The following GRIK2 variants were observed in gnomAD, a reference collection of about 807,000 sequenced individuals.
GRIK2 encodes glutamate receptor ionotropic, kainate 2.
In GRIK2, 32 loss-of-function variants were observed where a neutral mutation model predicts 100.3. The ratio of observed to expected loss-of-function variants is 0.32; its 90% CI spans 0.24 to 0.43. The LOEUF (loss-of-function observed/expected upper bound fraction) is 0.43, where lower values mean the gene tolerates loss of function less well. Among genes scored for constraint, GRIK2 ranks in the 20% least tolerant of loss-of-function variants. The probability of loss-of-function intolerance (pLI) is 1.00; values close to 1 mark genes in which losing one functional copy is unlikely to be tolerated. For missense variants in GRIK2, 843 were observed against 1,114.9 expected, an observed-to-expected ratio of 0.76 and a Z score of 3.47; for synonymous variants, 417 against 389.4, an observed-to-expected ratio of 1.07 and a Z score of -0.83.
At chr6:102,056,404 TG>T in intron 16 of GRIK2, among the ~76,000 whole-genome samples, 1 of 152,082 alleles carries the variant, frequency 6.6e-6, no homozygotes, top group East Asian at 1.9e-4. Context: ...TGATACTTTT[TG>T]TATGCAAATT....
At chr6:101,401,694 T>C (rs1049388747) in intron 2 of GRIK2, among the ~76,000 whole-genome samples, 5 of 152,226 alleles carry the variant, frequency 3.3e-5, no homozygotes, top group African/African-American at 1.2e-4. Flanking sequence ...TATTTTCTTC[T>C]GGGATAAACA....
chr6:101,742,640 A>T (rs1776112115), intron 7 of GRIK2, among the ~76,000 whole-genome samples: 1 of 152,096 alleles, frequency 6.6e-6, no homozygotes. Flanking sequence ...CTATAGATAA[A>T]TTGAAACATT....
intron 10 of GRIK2, among the ~76,000 whole-genome samples, chr6:101,829,788 CCATGCTCATTTCATGCT>C (rs1460417490): frequency 5.3e-5 from 8 of 151,848 alleles, no homozygotes; most frequent in Admixed American, 3.9e-4. Context: ...GAAAAGCATT[CCATGCTCATTTCATGCT>C]CATGAGTTGG....
rs1351033575 is a variant in GRIK2 at position 101,760,591 on chromosome 6, T to A, written c.952-39057T>A. On this transcript the variant is annotated intron_variant, in intron 7 of 16. Coordinates refer to ENST00000369134, the MANE Select transcript of GRIK2 (RefSeq NM_021956.5). ...ATATTTAATTAATTATATATAATTATATATAATTATATATAATTATATTTA... is the reference window on the plus strand; with the variant it reads ...ATATTTAATTAATTATATATAATTAAATATAATTATATATAATTATATTTA... 5.4e-5 allele frequency among the ~76,000 whole-genome samples: 5 copies of A among 91,878 alleles called. 1 individual carries two copies. Among genetic ancestry groups the A allele is most frequent in the African/African-American group, 2.6e-4 (5 of 19,522 alleles). 60.3% of individuals were successfully genotyped at this position (91,878 alleles called of 152,430 possible). A position where few individuals can be genotyped will look rare whatever the true frequency, so the allele number is the denominator to read the frequency against.
chr6:101,464,497 C>CTTTTTTTTTTT lies in GRIK2; in HGVS notation c.115+65133_115+65143dup, dbSNP rs71028069. Among the ~76,000 whole-genome samples, 9 of 62,038 alleles carry CTTTTTTTTTTT rather than the reference C, an allele frequency of 1.5e-4. 1 individual carries two copies. The highest frequency in any genetic ancestry group is 2.4e-4 in the Non-Finnish European group (8 of 33,790). 40.7% of individuals were successfully genotyped at this position (62,038 alleles called of 152,430 possible). A position where few individuals can be genotyped will look rare whatever the true frequency, so the allele number is the denominator to read the frequency against. ...TAATTTTTACCTTTTCTTTTTCTTT[C>CTTTTTTTTTTT]TTTTTTTTTTTTTTTTTTTTTTTTT... On this transcript the variant is annotated intron_variant, in intron 2 of 16. Transcript: ENST00000369134.
At chr6:101,815,599 A>AC (rs1781584685) in intron 9 of GRIK2, among the ~76,000 whole-genome samples, 1 of 149,818 alleles carries the variant, frequency 6.7e-6, no homozygotes, top group Non-Finnish European at 1.5e-5. Flanking sequence ...GTGCTTAAGC[A>AC]TCTTAATTGC....
intron 7 of GRIK2, among the ~76,000 whole-genome samples, chr6:101,743,454 C>T (rs1392977443): frequency 2.6e-5 from 4 of 152,142 alleles, no homozygotes; most frequent in South Asian, 2.1e-4. Context: ...TTTCTTAACA[C>T]GTTGGGATGC....
Position 101,768,782 on chromosome 6 carries a change from T to C in GRIK2, c.952-30866T>C, listed in dbSNP as rs1194513318. Reference sequence around the variant, plus strand: ...GATTTTAGGTGTGCCCATTACTCAGTGCTTTGAGCCTTGGCTCCTTGGCAT... The same window carrying C: ...GATTTTAGGTGTGCCCATTACTCAGCGCTTTGAGCCTTGGCTCCTTGGCAT... On this transcript the variant is annotated intron_variant, in intron 7 of 16. Transcript: ENST00000369134. Among the ~76,000 whole-genome samples the C allele has an allele frequency of 1.3e-5, 2 of 152,198 alleles. 1 individual carries two copies. Among genetic ancestry groups the C allele is most frequent in the African/African-American group, 4.8e-5 (2 of 41,454 alleles).
At chr6:101,927,855 T>C (rs1373858381) in intron 13 of GRIK2, 1 of 153,082 alleles carries the variant, frequency 6.5e-6, no homozygotes, top group Non-Finnish European at 1.5e-5. Context: ...TATTTTAAAA[T>C]AAACATTACA....
chr6:101,627,469 G>A (rs1780519145), intron 4 of GRIK2, among the ~76,000 whole-genome samples: 1 of 152,098 alleles, frequency 6.6e-6, no homozygotes, highest in Admixed American at 6.6e-5. Context: ...GAATTTTTCT[G>A]CTATGAAGTT....
intron 7 of GRIK2, among the ~76,000 whole-genome samples, chr6:101,744,425 C>T (rs1435542564): frequency 4.7e-5 from 7 of 149,964 alleles, no homozygotes; most frequent in African/African-American, 1.2e-4. Context: ...TCCAATTCCA[C>T]GATTCCATCC....
At chr6:101,591,913 A>G (rs1019303745) in intron 2 of GRIK2, among the ~76,000 whole-genome samples, 3 of 151,988 alleles carry the variant, frequency 2.0e-5, no homozygotes, top group Non-Finnish European at 2.9e-5. Context: ...GTAATCCCCA[A>G]TGTTGGAGGT....
At chr6:101,428,824 AG>A (rs1769210400) in intron 2 of GRIK2, among the ~76,000 whole-genome samples, 1 of 152,168 alleles carries the variant, frequency 6.6e-6, no homozygotes, top group African/African-American at 2.4e-5. Context: ...GGTGGGTGAC[AG>A]GGGGTTAGAC....
chr6:101,876,484 A>AACAGACACAC lies in GRIK2; in HGVS notation c.1525-13153_1525-13152insGACACACACA, dbSNP rs368176541. ...ATGGTTTCCTTAGAAAACAAAAACA[A>AACAGACACAC]ACACACACACACACACACACACACA... On this transcript the variant is annotated intron_variant, in intron 11 of 16. Transcript: ENST00000369134. Among the ~76,000 whole-genome samples, 1,032 of 148,908 alleles carry AACAGACACAC rather than the reference A, an allele frequency of 6.9e-3. 12 individuals carry two copies. Among genetic ancestry groups the AACAGACACAC allele is most frequent in the African/African-American group, 0.023 (945 of 40,324 alleles).
chr6:101,884,454 T>C (rs1443830064), intron 11 of GRIK2, among the ~76,000 whole-genome samples: 5 of 152,150 alleles, frequency 3.3e-5, no homozygotes, highest in Non-Finnish European at 7.4e-5. Flanking sequence ...GTTCTTTGAT[T>C]TCTGAAACTT....
At chr6:101,773,255 C>T (rs973327903) in intron 7 of GRIK2, among the ~76,000 whole-genome samples, 6 of 152,088 alleles carry the variant, frequency 3.9e-5, no homozygotes, top group South Asian at 4.1e-4. Flanking sequence ...CCGAGGCGGG[C>T]GGATCACGAG....
chr6:101,466,582 G>T (rs930880120), intron 2 of GRIK2, among the ~76,000 whole-genome samples: 2 of 146,924 alleles, frequency 1.4e-5, no homozygotes, highest in East Asian at 4.1e-4. Context: ...TCTTTAAAAG[G>T]CTGCTTTTTT....
At chr6:102,007,009 T>G (rs781202756) in intron 14 of GRIK2, among the ~76,000 whole-genome samples, 43 of 152,158 alleles carry the variant, frequency 2.8e-4, no homozygotes, top group Non-Finnish European at 5.9e-4. Context: ...TGAAAATTAA[T>G]GTATATTTTT....
At chr6:101,828,604 C>T (rs1161053667) in intron 10 of GRIK2, among the ~76,000 whole-genome samples, 2 of 151,844 alleles carry the variant, frequency 1.3e-5, no homozygotes, top group African/African-American at 4.8e-5. Context: ...CAACTGATTC[C>T]ACAGAAATAC....
Sources: gnomAD v4.1 joint callset for allele counts (sites outside exome capture counted in the v4.1 genomes callset) on GRCh38, gnomAD v4.1.1 for gene constraint, MANE v1.5 for transcripts, NCBI Gene and HGNC (gene_info 2026-07-23, HGNC 2026-07-21) for gene names.